Variants in CHD9 observed in about 807,000 individuals in gnomAD.
CHD9 encodes chromodomain helicase DNA binding protein 9.
CHD9 carries 77 observed loss-of-function variants against 316.1 expected under a neutral mutation model. That is an observed-to-expected ratio of 0.24 (90% CI 0.20 to 0.29). The LOEUF is 0.29. Among genes scored for constraint, CHD9 ranks in the 10% least tolerant of loss-of-function variants. The probability of loss-of-function intolerance (pLI) is 1.00; values close to 1 mark genes in which losing one functional copy is unlikely to be tolerated. For synonymous variants in CHD9, 1,129 were observed against 1,158.3 expected (o/e 0.97, Z 0.51); for missense variants, 2,763 against 3,438.1 (o/e 0.80, Z 4.91).
chr16:53,070,960 T>A (rs532744985), intron 1 of CHD9, among the ~76,000 whole-genome samples: 2 of 152,332 alleles, frequency 1.3e-5, no homozygotes, highest in East Asian at 3.9e-4. Context: ...TTTTTCATGA[T>A]TATTTTGGCT....
chr16:53,227,709 A>G (rs1159153042), intron 7 of CHD9, 106 bp downstream of exon 7: 1 of 296,664 alleles, frequency 3.4e-6, no homozygotes, highest in Admixed American at 5.3e-5. Context: ...CATTTTTATG[A>G]TAATTTTTAT....
intron 1 of CHD9, among the ~76,000 whole-genome samples, chr16:53,109,347 T>C (rs1283853688): frequency 6.6e-6 from 1 of 152,216 alleles, no homozygotes; most frequent in Non-Finnish European, 1.5e-5. Context: ...AGCTAGTTTG[T>C]AGTTAATTTA....
intron 4 of CHD9, among the ~76,000 whole-genome samples, chr16:53,223,813 T>A (rs1298237395): frequency 6.6e-6 from 1 of 151,988 alleles, no homozygotes; most frequent in African/African-American, 2.4e-5. Context: ...GTTATAAATC[T>A]ACATTATTGA....
At chr16:53,155,399 T>G (rs2041446318) in intron 1 of CHD9, among the ~76,000 whole-genome samples, 1 of 152,066 alleles carries the variant, frequency 6.6e-6, no homozygotes, top group African/African-American at 2.4e-5. Flanking sequence ...GTTTTGAAAT[T>G]TTTTCTGAGA....
intron 1 of CHD9, among the ~76,000 whole-genome samples, chr16:53,124,171 T>C (rs2038867551): frequency 6.6e-6 from 1 of 152,212 alleles, no homozygotes. Flanking sequence ...ACAACCATCA[T>C]TTTACATTCC....
At chr16:53,188,090 G>T (rs1188478787) in intron 2 of CHD9, among the ~76,000 whole-genome samples, 1 of 152,198 alleles carries the variant, frequency 6.6e-6, no homozygotes, top group Admixed American at 6.5e-5. Context: ...AGTAAATGGA[G>T]TCATGAAATA....
chr16:53,086,757 C>G (rs116745561), intron 1 of CHD9, among the ~76,000 whole-genome samples: 3,631 of 152,128 alleles, frequency 0.024, 168 homozygotes, highest in African/African-American at 0.083. Context: ...CGGAATGAAC[C>G]CTCATAACCC....
rs370913156 is a variant in CHD9 at position 53,324,099 on chromosome 16, G to A, written c.7898G>A (p.Arg2633Gln). ...GAGGAAGTAAGCAGGCGGGGGAGAC[G>A]GCCTAAAAGTGGAATTGCAAAGGCC... ...VREEVSRRGR[R>Q]PKSGIAKATA... is the part of the protein sequence containing the mutation. The change falls in exon 39 of 39, where the codon CGG (arginine) becomes CAG (glutamine). Residue 2633 changes from arginine (R) to glutamine (Q), a missense_variant. Coordinates refer to ENST00000447540, the MANE Select transcript of CHD9 (RefSeq NM_001308319.2). 11 of 1,613,780 alleles carry A rather than the reference G, an allele frequency of 6.8e-6. No homozygotes were observed. Among genetic ancestry groups the A allele is most frequent in the African/African-American group, 4.0e-5 (3 of 74,902 alleles).
At chr16:53,191,212 C>T (rs1016192230) in intron 2 of CHD9, among the ~76,000 whole-genome samples, 1 of 151,980 alleles carries the variant, frequency 6.6e-6, no homozygotes, top group Admixed American at 6.6e-5. Context: ...CTACTTTTTT[C>T]TTTATGGCTT....
chr16:53,245,843 T>C lies in CHD9; in HGVS notation c.3447T>C (p.Leu1149=). Residue 1149 remains leucine, a synonymous_variant, in exon 15 of 39, where the codon CTT becomes CTC. Coordinates refer to ENST00000447540, the MANE Select transcript of CHD9 (RefSeq NM_001308319.2). This position sits in a 1 kb window ranked among gnomAD's most constrained non-coding sequence, Gnocchi z 4.1. ...GGAAATGTTGTAATCATCCATATCT[T>C]ATAAAAGGTAGCTAAAAAAGATTAC... ...ELRKCCNHPY[L]IKGAEEKILG... 6.6e-7 allele frequency: 1 copy of C among 1,504,384 alleles called. No individual in the cohort carries two copies. The highest frequency in any genetic ancestry group is 8.9e-7 in the Non-Finnish European group (1 of 1,128,042). The allele number at this position is 1,504,384 out of a possible 1,614,324, so 93.2% of individuals were successfully genotyped here.
At chr16:53,057,171 G>T (rs2032237259) in intron 1 of CHD9, among the ~76,000 whole-genome samples, 1 of 151,530 alleles carries the variant, frequency 6.6e-6, no homozygotes, top group African/African-American at 2.4e-5. Context: ...TATAATTAAA[G>T]AATTTTTAAA....
chr16:53,315,117 A>G (rs2056781559), intron 36 of CHD9, 73 bp downstream of exon 36: 1 of 1,084,592 alleles, frequency 9.2e-7, no homozygotes, highest in Non-Finnish European at 1.3e-6. Flanking sequence ...TGAAGCATAA[A>G]TTCTCATCCA....
In CHD9 at chr16:53,171,830, CCACACACA is replaced by C. The variant is rs71380026; in HGVS notation, c.1452+14312_1452+14319del. Among the ~76,000 whole-genome samples, 311 of 135,632 alleles carry C rather than the reference CCACACACA, an allele frequency of 2.3e-3. 3 individuals carry two copies. The highest frequency in any genetic ancestry group is 8.4e-3 in the African/African-American group (300 of 35,634). 89.0% of individuals were successfully genotyped at this position (135,632 alleles called of 152,430 possible). On this transcript the variant is annotated intron_variant, in intron 2 of 38. Coordinates refer to ENST00000447540, the MANE Select transcript of CHD9 (RefSeq NM_001308319.2). ...AGACCCTATCTCAAAACAAACAAAACCACACACACACACACACACACACACACACAGAC... is the reference window on the plus strand; with the variant it reads ...AGACCCTATCTCAAAACAAACAAAACCACACACACACACACACACACAGAC...
In CHD9 at chr16:53,238,571, C is replaced by T. The variant is rs765065507; in HGVS notation, c.2862C>T (p.Tyr954=). 4 of 1,613,108 alleles carry T rather than the reference C, an allele frequency of 2.5e-6. No individual in the cohort carries two copies. The South Asian group carries it at 4.4e-5, about 18-fold the overall frequency. ...SRQMIQQYEM[Y]FRDSQGRIIR... ...AAATGATACAGCAATACGAGATGTA[C>T]TTCAGGGATTCACAGGTGTGTTATT... The change falls in exon 12 of 39, where the codon TAC becomes TAT. Residue 954 remains tyrosine (Y), a synonymous_variant. Coordinates refer to ENST00000447540, the MANE Select transcript of CHD9 (RefSeq NM_001308319.2).
chr16:53,221,738 A>G (rs952032358), intron 3 of CHD9, among the ~76,000 whole-genome samples: 3 of 152,314 alleles, frequency 2.0e-5, no homozygotes, highest in Non-Finnish European at 2.9e-5. Flanking sequence ...TATGCTTAGG[A>G]ACATACAGTA....
At chr16:53,304,660 T>A in intron 31 of CHD9, 35 bp downstream of exon 31, 1 of 1,430,006 alleles carries the variant, frequency 7.0e-7, no homozygotes, top group Non-Finnish European at 9.2e-7. Flanking sequence ...TTTTTTAACA[T>A]AACTTTTCTT....
intron 1 of CHD9, among the ~76,000 whole-genome samples, chr16:53,153,710 A>G (rs892895256): frequency 1.1e-4 from 17 of 151,204 alleles, no homozygotes; most frequent in Non-Finnish European, 2.2e-4. Context: ...TTTATTTTTT[A>G]TTTTTAGTAG....
intron 1 of CHD9, among the ~76,000 whole-genome samples, chr16:53,106,547 A>G (rs1463471661): frequency 6.6e-6 from 1 of 152,354 alleles, no homozygotes; most frequent in Non-Finnish European, 1.5e-5. Flanking sequence ...ACAGGTATTT[A>G]CTAGGACACA....
chr16:53,306,097 A>T (rs769870121), intron 31 of CHD9, 140 bp from the exon 32 acceptor site: 6 of 494,820 alleles, frequency 1.2e-5, no homozygotes, highest in African/African-American at 2.0e-5. Context: ...ATTCTAGGTG[A>T]TTTTTTCTCT....
Sources: allele counts gnomAD v4.1 joint callset (sites outside exome capture counted in the v4.1 genomes callset), GRCh38; gene constraint gnomAD v4.1.1; non-coding constraint Gnocchi (gnomAD v3.1); transcripts MANE v1.5; gene names NCBI Gene and HGNC (gene_info 2026-07-23, HGNC 2026-07-21).